Variants in MTHFS observed in about 807,000 individuals in gnomAD.
MTHFS encodes the protein 5-formyltetrahydrofolate cyclo-ligase.
In MTHFS, 7 loss-of-function variants were observed where a neutral mutation model predicts 12.7. That is an observed-to-expected ratio of 0.55 (90% CI 0.31 to 1.03). MTHFS has a LOEUF of 1.03. MTHFS is among the 50% of genes least tolerant of loss of function. MTHFS has a pLI of 0.05. For missense variants in MTHFS, 252 were observed against 258.1 expected (o/e 0.98, Z 0.16); for synonymous variants, 100 against 97.1 (o/e 1.03, Z -0.18).
Position 79,896,975 on chromosome 15 carries a change from G to A in MTHFS, c.14C>T (p.Ala5Val), listed in dbSNP as rs190625458. ...CAGGCTCCGCTTGGCGCTGCTCACC[G>A]CTGCCGCCGCCATCTCACGCCCAAG... MAAA[A>V]VSSAKRSLRG... Residue 5 changes from alanine (A) to valine (V), a missense_variant, in exon 1 of 3, where the codon GCG becomes GTG. Coordinates refer to ENST00000258874, the MANE Select transcript of MTHFS (RefSeq NM_006441.4). 9.7e-4 allele frequency: 1,485 copies of A among 1,530,180 alleles called. 17 individuals carry two copies. In the African/African-American group the frequency reaches 0.019, roughly 19 times the overall value. 94.8% of individuals were successfully genotyped at this position (1,530,180 alleles called of 1,614,324 possible). A position where few individuals can be genotyped will look rare whatever the true frequency, so the allele number is the denominator to read the frequency against.
intron 2 of MTHFS, among the ~76,000 whole-genome samples, chr15:79,875,258 C>T (rs930545303): frequency 1.3e-4 from 20 of 151,440 alleles, no homozygotes; most frequent in African/African-American, 4.6e-4. Context: ...TCCCTGACTT[C>T]CCGCAACAAA....
In MTHFS at chr15:79,845,364, T is replaced by C. The variant is rs1394587998; in HGVS notation, c.458A>G (p.Tyr153Cys). ...GNRLGRGKGY[Y>C]DAYLKRCLQH... ...CAAACAGCGCTTCAGATAGGCATCA[T>C]AGTAGCCCTTGCCCCTCCCCAGTCG... The change falls in exon 3 of 3, where the codon TAT becomes TGT. Residue 153 changes from tyrosine (Y) to cysteine (C), a missense_variant. Transcript: ENST00000258874. The C allele has an allele frequency of 4.3e-6, 7 of 1,614,154 alleles. No homozygotes were observed. Among genetic ancestry groups the C allele is most frequent in the Non-Finnish European group, 5.9e-6 (7 of 1,180,020 alleles).
intron 2 of MTHFS, among the ~76,000 whole-genome samples, chr15:79,853,278 A>G (rs2033746000): frequency 6.6e-6 from 1 of 152,194 alleles, no homozygotes; most frequent in Admixed American, 6.5e-5. Context: ...TTTAAAAAAT[A>G]TCATCCTTAT....
chr15:79,883,063 G>T (rs2034323362), intron 2 of MTHFS, among the ~76,000 whole-genome samples: 3 of 152,168 alleles, frequency 2.0e-5, no homozygotes, highest in Admixed American at 1.3e-4. Flanking sequence ...AATTAGTCAG[G>T]CATGGTAGTG....
At chr15:79,880,302 G>C (rs971383801) in intron 2 of MTHFS, among the ~76,000 whole-genome samples, 1 of 151,796 alleles carries the variant, frequency 6.6e-6, no homozygotes, top group African/African-American at 2.4e-5. Context: ...GGATGGTCTC[G>C]ATCTCCTGAC....
At chr15:79,845,554 A>G in intron 2 of MTHFS, 112 bp from the exon 3 acceptor site, 2 of 1,376,620 alleles carry the variant, frequency 1.5e-6, no homozygotes, top group Non-Finnish European at 1.9e-6. Context: ...TCTAAAAACA[A>G]TGTGTGACCA....
intron 2 of MTHFS, among the ~76,000 whole-genome samples, chr15:79,850,758 C>T (rs2033702898): frequency 2.6e-5 from 4 of 152,066 alleles, no homozygotes; most frequent in Non-Finnish European, 5.9e-5. Context: ...GGGACAGATG[C>T]TGAGCTGCAG....
chr15:79,866,033 T>C (rs536137039), intron 2 of MTHFS, among the ~76,000 whole-genome samples: 198 of 141,740 alleles, frequency 1.4e-3, no homozygotes, highest in African/African-American at 5.0e-3. Context: ...CACTGCAGTT[T>C]GAAATTTTAT....
At chr15:79,859,807 G>C (rs1217353527) in intron 2 of MTHFS, among the ~76,000 whole-genome samples, 2 of 84,054 alleles carry the variant, frequency 2.4e-5, no homozygotes, top group African/African-American at 4.8e-5. Context: ...GACAGAGAGA[G>C]AATACATGTC....
chr15:79,862,117 T>C (rs371035578), intron 2 of MTHFS, among the ~76,000 whole-genome samples: 187 of 152,240 alleles, frequency 1.2e-3, no homozygotes, highest in African/African-American at 4.1e-3. Context: ...TAGACTAAGA[T>C]GAAGTACAGT....
intron 1 of MTHFS, 32 bp downstream of exon 1, chr15:79,896,840 C>T: frequency 1.3e-6 from 2 of 1,539,148 alleles, no homozygotes; most frequent in Non-Finnish European, 1.7e-6. Flanking sequence ...AGGGTCTGTC[C>T]GCCGCGGCTT....
At chr15:79,896,302 C>T (rs1240801118) in intron 1 of MTHFS, among the ~76,000 whole-genome samples, 1 of 152,230 alleles carries the variant, frequency 6.6e-6, no homozygotes, top group Non-Finnish European at 1.5e-5. Flanking sequence ...CCTTAGCCCT[C>T]CATATGCTTA....
At chr15:79,863,020 G>A (rs1293573046) in intron 2 of MTHFS, among the ~76,000 whole-genome samples, 6 of 152,086 alleles carry the variant, frequency 3.9e-5, no homozygotes, top group South Asian at 2.1e-4. Flanking sequence ...CACCTCAAAC[G>A]GGATTCACTA....
rs572604301 is a variant in MTHFS at position 79,882,140 on chromosome 15, A to G, written c.379+6953T>C. 2.6e-5 allele frequency among the ~76,000 whole-genome samples: 4 copies of G among 152,386 alleles called. No individual in the cohort carries two copies. In the South Asian group the frequency reaches 8.3e-4, roughly 32 times the overall value. On this transcript the variant is annotated intron_variant, in intron 2 of 2. Coordinates refer to ENST00000258874, the MANE Select transcript of MTHFS (RefSeq NM_006441.4). Reference sequence around the variant, plus strand: ...TAGTGAGAACGATTTTTGTTAAGCTAAAGAAACACGTGTTAAAGGTTTGGA... The same window carrying G: ...TAGTGAGAACGATTTTTGTTAAGCTGAAGAAACACGTGTTAAAGGTTTGGA...
At chr15:79,868,389 A>C (rs2034047922) in intron 2 of MTHFS, among the ~76,000 whole-genome samples, 1 of 152,192 alleles carries the variant, frequency 6.6e-6, no homozygotes, top group Non-Finnish European at 1.5e-5. Flanking sequence ...CATAGAAGAT[A>C]ATCTTCTTAG....
intron 2 of MTHFS, among the ~76,000 whole-genome samples, chr15:79,848,960 G>A (rs774958570): frequency 3.3e-5 from 5 of 151,904 alleles, no homozygotes; most frequent in Non-Finnish European, 5.9e-5. Flanking sequence ...TAATAATTCC[G>A]AAGTACATAA....
intron 2 of MTHFS, among the ~76,000 whole-genome samples, chr15:79,884,599 T>C (rs906326835): frequency 1.3e-5 from 2 of 151,904 alleles, no homozygotes; most frequent in Non-Finnish European, 2.9e-5. Context: ...GAAAGACAGG[T>C]GATAAAAACA....
intron 2 of MTHFS, among the ~76,000 whole-genome samples, chr15:79,875,531 A>G (rs1301719945): frequency 6.6e-6 from 1 of 152,192 alleles, no homozygotes; most frequent in African/African-American, 2.4e-5. Flanking sequence ...TCCATATACA[A>G]AAGAATAAGT....
intron 2 of MTHFS, among the ~76,000 whole-genome samples, chr15:79,847,356 C>G (rs991554325): frequency 6.6e-6 from 1 of 151,902 alleles, no homozygotes; most frequent in Non-Finnish European, 1.5e-5. Context: ...AACACAACAG[C>G]AAAAAACCAA....
Sources: gnomAD v4.1 joint callset for allele counts (sites outside exome capture counted in the v4.1 genomes callset) on GRCh38, gnomAD v4.1.1 for gene constraint, MANE v1.5 for transcripts, NCBI Gene and HGNC (gene_info 2026-07-23, HGNC 2026-07-21) for gene names.